The following ADD3 variants were observed in gnomAD, a reference collection of about 807,000 sequenced individuals.
ADD3 encodes the protein adducin 3, also known as gamma-adducin.
A neutral mutation model predicts 80.2 loss-of-function variants in ADD3; 25 were observed. The observed-to-expected ratio is 0.31, with a 90% confidence interval of 0.23 to 0.44. The LOEUF is 0.44. ADD3 is among the 20% of genes least tolerant of loss of function. The pLI, the probability that ADD3 is intolerant of heterozygous loss-of-function variation, is 1.00. For missense variants in ADD3, 829 were observed against 847.5 expected, an observed-to-expected ratio of 0.98 and a Z score of 0.27; for synonymous variants, 284 against 289.6, an observed-to-expected ratio of 0.98 and a Z score of 0.20.
intron 1 of ADD3, among the ~76,000 whole-genome samples, chr10:110,040,947 T>G (rs371634900): frequency 4.2e-5 from 1 of 23,826 alleles, no homozygotes; most frequent in Admixed American, 8.2e-4. Context: ...TCTCTCTCGC[T>G]CTCTCTGTCT....
chr10:110,005,222 C>T (rs932259972), upstream of ADD3, among the ~76,000 whole-genome samples: 3 of 152,036 alleles, frequency 2.0e-5, no homozygotes, highest in African/African-American at 7.2e-5. Context: ...CCACCACGCC[C>T]GGCTAATTTT....
chr10:110,103,439 T>C (rs111461072), intron 2 of ADD3, among the ~76,000 whole-genome samples: 12 of 152,330 alleles, frequency 7.9e-5, no homozygotes, highest in African/African-American at 2.6e-4. Context: ...ACTCTTAAGA[T>C]GGATCACTCA....
intron 1 of ADD3, among the ~76,000 whole-genome samples, chr10:110,099,083 CT>C (rs34380039): frequency 0.2 from 27,691 of 135,726 alleles, 3,139 homozygotes; most frequent in Admixed American, 0.41. Flanking sequence ...ACACGCCTGG[CT>C]TTTTTTTTTT....
chr10:110,063,764 T>TATATATATAC (rs1843546664), intron 1 of ADD3, among the ~76,000 whole-genome samples: 2 of 74,508 alleles, frequency 2.7e-5, no homozygotes, highest in East Asian at 1.8e-3. Context: ...TATATATATA[T>TATATATATAC]ATATATATAT....
intron 1 of ADD3, among the ~76,000 whole-genome samples, chr10:110,031,185 A>T (rs1013341030): frequency 3.9e-4 from 60 of 152,290 alleles, no homozygotes; most frequent in African/African-American, 1.4e-3. Flanking sequence ...GAGGCAGGAG[A>T]ATCCCTTGAA....
At chr10:110,109,814 C>G (rs1320766202) in intron 2 of ADD3, among the ~76,000 whole-genome samples, 2 of 152,052 alleles carry the variant, frequency 1.3e-5, no homozygotes, top group Non-Finnish European at 2.9e-5. Flanking sequence ...TGTTACTTGT[C>G]TGTATGAAGG....
chr10:110,007,419 C>G (rs1326911798), upstream of ADD3, among the ~76,000 whole-genome samples: 1 of 152,208 alleles, frequency 6.6e-6, no homozygotes, highest in African/African-American at 2.4e-5. Context: ...TCCTACAGCC[C>G]CAGCAGCCAG....
intron 3 of ADD3, among the ~76,000 whole-genome samples, chr10:110,113,819 T>C (rs1443875319): frequency 2.0e-5 from 3 of 152,160 alleles, no homozygotes; most frequent in Non-Finnish European, 4.4e-5. Flanking sequence ...AAGTTCAACT[T>C]TGGGCATGCT....
chr10:110,026,903 A>AT (rs1359903643), intron 1 of ADD3, among the ~76,000 whole-genome samples: 1 of 152,058 alleles, frequency 6.6e-6, no homozygotes, highest in East Asian at 1.9e-4. Flanking sequence ...GGGCCAAATG[A>AT]TTAAGAATAC....
At chr10:110,035,204 G>A (rs1855497835) in intron 1 of ADD3, among the ~76,000 whole-genome samples, 2 of 152,124 alleles carry the variant, frequency 1.3e-5, no homozygotes, top group African/African-American at 4.8e-5. Flanking sequence ...TGTCCTTAGG[G>A]TTTCATTAGA....
At chr10:110,118,155 ACTC>A (rs1227699750) in intron 5 of ADD3, among the ~76,000 whole-genome samples, 1 of 151,184 alleles carries the variant, frequency 6.6e-6, no homozygotes, top group Non-Finnish European at 1.5e-5. Flanking sequence ...TTCCATGACT[ACTC>A]CTAGCCACTG....
chr10:110,130,713 G>A (rs368444411), intron 13 of ADD3, among the ~76,000 whole-genome samples: 7 of 151,944 alleles, frequency 4.6e-5, no homozygotes, highest in South Asian at 2.1e-4. Flanking sequence ...AAAATTAGCC[G>A]GGCATGGTGG....
At chr10:110,056,424 A>T (rs1858200327) in intron 1 of ADD3, among the ~76,000 whole-genome samples, 2 of 152,240 alleles carry the variant, frequency 1.3e-5, no homozygotes, top group Admixed American at 1.3e-4. Context: ...AAAGACTAAG[A>T]CAATTAGTAT....
At chr10:110,074,912 C>A (rs778608478) in intron 1 of ADD3, among the ~76,000 whole-genome samples, 1 of 152,080 alleles carries the variant, frequency 6.6e-6, no homozygotes, top group Non-Finnish European at 1.5e-5. Context: ...GGAGAAATTT[C>A]ACTGCTTGAA....
At chr10:110,025,714 C>G (rs1016460582) in intron 1 of ADD3, among the ~76,000 whole-genome samples, 1 of 152,136 alleles carries the variant, frequency 6.6e-6, no homozygotes, top group South Asian at 2.1e-4. Context: ...GATCTAGACT[C>G]AAAACTGAGA....
chr10:110,006,075 T>G (rs374588237), upstream of ADD3: 1 of 181,550 alleles, frequency 5.5e-6, no homozygotes, highest in East Asian at 1.7e-4. Context: ...CATTGCAGAA[T>G]CCACACCTAG....
At chr10:110,107,329 T>G (rs80051277) in intron 2 of ADD3, among the ~76,000 whole-genome samples, 2,832 of 152,162 alleles carry the variant, frequency 0.019, 42 homozygotes, top group Non-Finnish European at 0.027. Flanking sequence ...ATGTGTTGAA[T>G]AAAGGAAAGA....
chr10:110,105,371 A>T (rs1404124301), intron 2 of ADD3, among the ~76,000 whole-genome samples: 29 of 152,188 alleles, frequency 1.9e-4, no homozygotes, highest in Non-Finnish European at 2.9e-5. Flanking sequence ...TTCCTTTTCA[A>T]AGTTAAAGAA....
intron 1 of ADD3, among the ~76,000 whole-genome samples, chr10:110,079,461 A>AGAGAGTGT (rs1443672023): frequency 1.2e-4 from 12 of 97,434 alleles, no homozygotes; most frequent in African/African-American, 3.7e-4. Context: ...AGAGAGAGAG[A>AGAGAGTGT]GTGTGTGTGT....
Sources: gnomAD v4.1 joint callset for allele counts (sites outside exome capture counted in the v4.1 genomes callset) on GRCh38, gnomAD v4.1.1 for gene constraint, MANE v1.5 for transcripts, NCBI Gene and HGNC (gene_info 2026-07-23, HGNC 2026-07-21) for gene names.